Variants in FAM228A observed in about 807,000 individuals in gnomAD.
The protein encoded by FAM228A is protein FAM228A.
A neutral mutation model predicts 18.6 loss-of-function variants in FAM228A; 13 were observed. That is an observed-to-expected ratio of 0.70 (90% CI 0.45 to 1.11). The LOEUF is 1.11. Among genes scored for constraint, FAM228A ranks in the 50% least tolerant of loss-of-function variants. The pLI, the probability that FAM228A is intolerant of heterozygous loss-of-function variation, is 0.00. For missense variants in FAM228A, 240 were observed against 242.2 expected (o/e 0.99, Z 0.06); for synonymous variants, 77 against 86.6 (o/e 0.89, Z 0.61).
intron 2 of FAM228A, chr2:24,175,842 TG>T (rs1667673093): frequency 2.6e-5 from 30 of 1,175,150 alleles, no homozygotes; most frequent in Non-Finnish European, 3.3e-5. Context: ...AAGCCAGGTC[TG>T]GGCTTGCCAG....
chr2:24,175,849 G>T, intron 2 of FAM228A: 1 of 1,182,368 alleles, frequency 8.5e-7, no homozygotes, highest in Non-Finnish European at 1.1e-6. Flanking sequence ...GTCTGGGCTT[G>T]CCAGTCAATT....
Position 24,181,572 on chromosome 2 carries a change from G to C in FAM228A, c.163-1713G>C, listed in dbSNP as rs141031213. 2.1e-3 allele frequency among the ~76,000 whole-genome samples: 322 copies of C among 152,250 alleles called. 1 individual carries two copies. The highest frequency in any genetic ancestry group is 7.4e-3 in the African/African-American group (308 of 41,536). ...GCTAATTGTTTGTATTTTTAGTAGAGATGGGGTTTCGCCATGTTGGTCAGG... is the reference window on the plus strand; with the variant it reads ...GCTAATTGTTTGTATTTTTAGTAGACATGGGGTTTCGCCATGTTGGTCAGG... On this transcript the variant is annotated intron_variant, in intron 3 of 5. Coordinates refer to ENST00000295150, the MANE Select transcript of FAM228A (RefSeq NM_001040710.3).
At chr2:24,181,752 TTTATTC>T in intron 3 of FAM228A, among the ~76,000 whole-genome samples, 1 of 152,284 alleles carries the variant, frequency 6.6e-6, no homozygotes, top group East Asian at 1.9e-4. Flanking sequence ...TCTTTGGTTT[TTTATTC>T]TTAGGAGCTC....
intron 5 of FAM228A, among the ~76,000 whole-genome samples, chr2:24,184,418 T>C (rs1667894733): frequency 6.6e-6 from 1 of 151,974 alleles, no homozygotes; most frequent in Non-Finnish European, 1.5e-5. Context: ...TACCATAAAA[T>C]TCATCTGTTG....
intron 3 of FAM228A, among the ~76,000 whole-genome samples, chr2:24,180,168 G>A (rs1416130948): frequency 6.6e-6 from 1 of 151,796 alleles, no homozygotes; most frequent in East Asian, 1.9e-4. Flanking sequence ...GATATCTAGA[G>A]TAGTGGCTGG....
chr2:24,175,764 G>C (rs892606355), intron 2 of FAM228A, 191 bp downstream of exon 2: 9 of 769,334 alleles, frequency 1.2e-5, no homozygotes, highest in Admixed American at 3.2e-5. Context: ...TCGCCAGCCT[G>C]GGGGCTGGCG....
chr2:24,190,582 A>C lies in FAM228A; in HGVS notation c.572A>C (p.His191Pro), dbSNP rs2151050390. ...LVSRGLGRGWHAGLCSTHEQH... is the reference protein window; with the variant it reads ...LVSRGLGRGWPAGLCSTHEQH... Reference sequence around the variant, plus strand: ...AGCAGAGGCCTGGGGCGGGGCTGGCATGCAGGGCTTTGCAGCACCCACGAG... The same window carrying C: ...AGCAGAGGCCTGGGGCGGGGCTGGCCTGCAGGGCTTTGCAGCACCCACGAG... Residue 191 changes from histidine to proline, a missense_variant, in exon 6 of 6, where the codon CAT becomes CCT. Transcript: ENST00000295150. 6.2e-7 allele frequency: 1 copy of C among 1,608,182 alleles called. No individual in the cohort carries two copies. The highest frequency in any genetic ancestry group is 8.5e-7 in the Non-Finnish European group (1 of 1,178,002).
chr2:24,183,154 C>T, intron 3 of FAM228A, 131 bp from the exon 4 acceptor site: 1 of 675,104 alleles, frequency 1.5e-6, no homozygotes. Flanking sequence ...GTTTTTCAAC[C>T]CTCGCCCCCT....
chr2:24,179,068 A>G (rs1258428651), intron 3 of FAM228A: 2 of 843,154 alleles, frequency 2.4e-6, no homozygotes, highest in African/African-American at 1.9e-5. Context: ...TAAATGAAAC[A>G]TTTCTTTATA....
chr2:24,188,755 C>T (rs1463270464), intron 5 of FAM228A: 2 of 668,918 alleles, frequency 3.0e-6, no homozygotes, highest in East Asian at 2.7e-4. Flanking sequence ...TAAAGCTGTC[C>T]AGTGATTTTA....
chr2:24,190,583 T>C lies in FAM228A; in HGVS notation c.573T>C (p.His191=). The C allele has an allele frequency of 1.9e-6, 3 of 1,604,160 alleles. No homozygotes were observed. The highest frequency in any genetic ancestry group is 1.7e-5 in the Admixed American group (1 of 57,674). Residue 191 remains histidine, a synonymous_variant, in exon 6 of 6, where the codon CAT becomes CAC. Coordinates refer to ENST00000295150, the MANE Select transcript of FAM228A (RefSeq NM_001040710.3). ...LVSRGLGRGW[H]AGLCSTHEQH... ...GCAGAGGCCTGGGGCGGGGCTGGCA[T>C]GCAGGGCTTTGCAGCACCCACGAGC... is the stretch of plus-strand genomic sequence containing the variant.
At chr2:24,176,165 C>T in intron 2 of FAM228A, 1 of 984,460 alleles carries the variant, frequency 1.0e-6, no homozygotes, top group Non-Finnish European at 1.2e-6. Context: ...GAGAATCTGA[C>T]TCAAGAATGT....
At chr2:24,182,288 G>A (rs1422122356) in intron 3 of FAM228A, among the ~76,000 whole-genome samples, 1 of 152,172 alleles carries the variant, frequency 6.6e-6, no homozygotes, top group East Asian at 1.9e-4. Context: ...GATGGAAGTG[G>A]TTTCTTTTGC....
chr2:24,175,239 AG>A (rs1323617268), intron 1 of FAM228A, 65 bp downstream of exon 1: 53 of 487,152 alleles, frequency 1.1e-4, no homozygotes, highest in South Asian at 8.5e-4. Flanking sequence ...TGGCAGGGCC[AG>A]GGGGGCGCGC....
At chr2:24,185,863 T>C (rs1207509880) in intron 5 of FAM228A, among the ~76,000 whole-genome samples, 2 of 152,118 alleles carry the variant, frequency 1.3e-5, no homozygotes, top group Non-Finnish European at 2.9e-5. Context: ...TTCTTACTTA[T>C]TCCTATTTTA....
chr2:24,179,794 C>T (rs1667772911), intron 3 of FAM228A, among the ~76,000 whole-genome samples: 1 of 152,090 alleles, frequency 6.6e-6, no homozygotes, highest in Non-Finnish European at 1.5e-5. Flanking sequence ...AAAAAGAGTC[C>T]CCAGAGGCCC....
chr2:24,190,088 G>A lies in FAM228A; in HGVS notation c.402-324G>A, dbSNP rs541607219. 9.8e-5 allele frequency among the ~76,000 whole-genome samples: 15 copies of A among 152,312 alleles called. No individual in the cohort carries two copies. The South Asian group carries it at 1.2e-3, about 13-fold the overall frequency. On this transcript the variant is annotated intron_variant, in intron 5 of 5. Coordinates refer to ENST00000295150, the MANE Select transcript of FAM228A (RefSeq NM_001040710.3). ...GTGAGTGCTGGCAAGTGGAGGCGCC[G>A]TTCTGCCTGACTTTCTGGTTTGAGC...
At chr2:24,188,447 C>A in intron 5 of FAM228A, 3 of 985,346 alleles carry the variant, frequency 3.0e-6, no homozygotes, top group Non-Finnish European at 3.6e-6. Context: ...TTGGGAAATG[C>A]TGTCTGTACT....
chr2:24,175,944 C>T, intron 2 of FAM228A: 1 of 1,028,250 alleles, frequency 9.7e-7, no homozygotes, highest in Non-Finnish European at 1.2e-6. Flanking sequence ...CTGTGAAAAA[C>T]TCTTGGAAAT....
Sources: gnomAD v4.1 joint callset for allele counts (sites outside exome capture counted in the v4.1 genomes callset) on GRCh38, gnomAD v4.1.1 for gene constraint, MANE v1.5 for transcripts, NCBI Gene and HGNC (gene_info 2026-07-23, HGNC 2026-07-21) for gene names.